Variants in EAPP observed in about 807,000 individuals in gnomAD.
EAPP encodes the protein E2F associated phosphoprotein.
Under a neutral mutation model 34.3 loss-of-function variants are expected in EAPP, and 38 were observed. That is an observed-to-expected ratio of 1.11 (90% CI 0.85 to 1.45). EAPP has a LOEUF of 1.45. Ranked by LOEUF, EAPP falls within the 40% of genes most tolerant of loss-of-function variation. The pLI is 0.00. For missense variants in EAPP, 338 were observed against 343.7 expected (o/e 0.98, Z 0.13); for synonymous variants, 113 against 117.6 (o/e 0.96, Z 0.25).
chr14:34,533,358 C>A, intron 3 of EAPP, 86 bp downstream of exon 3: 2 of 1,173,520 alleles, frequency 1.7e-6, no homozygotes, highest in Non-Finnish European at 2.5e-6. Context: ...AGACCAAACT[C>A]AGAGGGAAAT....
chr14:34,535,683 C>A lies in EAPP; in HGVS notation c.256+411G>T, dbSNP rs542078726. Among the ~76,000 whole-genome samples the A allele has an allele frequency of 2.1e-3, 324 of 152,092 alleles. 1 individual carries two copies. The highest frequency in any genetic ancestry group is 3.4e-3 in the Admixed American group (52 of 15,240). ...TCCTGACCTCGTGATCCGCCCGCCT[C>A]GGCCTCCCAAAGTGCTAGGATTACA... On this transcript the variant is annotated intron_variant, in intron 2 of 5. Transcript: ENST00000250454.
rs751893455 is a variant in EAPP, at chr14:34,533,557, A to G, written c.257-18T>C. On this transcript the variant is annotated intron_variant, in intron 2 of 5. Transcript: ENST00000250454. ...GGAAGATCCTATTCAAACCAGAAGT[A>G]AAGTTTACAGACTAAATCATACATA... 11 of 1,529,512 alleles carry G rather than the reference A, an allele frequency of 7.2e-6. No homozygotes were observed. In the Admixed American group the frequency reaches 1.3e-4, roughly 18 times the overall value. The allele number at this position is 1,529,512 out of a possible 1,614,324, so 94.7% of individuals were successfully genotyped here.
At chr14:34,523,651 C>T (rs1879996061) in intron 5 of EAPP, among the ~76,000 whole-genome samples, 1 of 151,806 alleles carries the variant, frequency 6.6e-6, no homozygotes, top group Non-Finnish European at 1.5e-5. Flanking sequence ...ATCCTCTCAC[C>T]TCAGCCTATC....
At chr14:34,522,244 G>A (rs1445306295) in intron 5 of EAPP, among the ~76,000 whole-genome samples, 3 of 151,918 alleles carry the variant, frequency 2.0e-5, no homozygotes, top group Non-Finnish European at 2.9e-5. Flanking sequence ...ACAGGTATGA[G>A]CCACTGTGCC....
chr14:34,516,750 G>C (rs1879746162), intron 5 of EAPP, among the ~76,000 whole-genome samples, 164 bp from the exon 6 acceptor site: 1 of 152,054 alleles, frequency 6.6e-6, no homozygotes, highest in African/African-American at 2.4e-5. Flanking sequence ...GTTGTTTTAA[G>C]AATAATTAAA....
chr14:34,539,383 C>T, intron 1 of EAPP, 172 bp downstream of exon 1: 1 of 737,062 alleles, frequency 1.4e-6, no homozygotes, highest in Non-Finnish European at 2.4e-6. Context: ...CCGCCTCCCC[C>T]CGGGACTGCG....
At chr14:34,517,189 C>T (rs1235231738) in intron 5 of EAPP, among the ~76,000 whole-genome samples, 3 of 151,350 alleles carry the variant, frequency 2.0e-5, no homozygotes, top group African/African-American at 2.4e-5. Flanking sequence ...CTGCCCGCCT[C>T]GGCCTCCCAA....
rs766199862 is a variant in EAPP at position 34,533,445 on chromosome 14, T to C, written c.351A>G (p.Ala117=). 1.2e-6 allele frequency: 2 copies of C among 1,609,656 alleles called. No individual in the cohort carries two copies. Among genetic ancestry groups the C allele is most frequent in the Non-Finnish European group, 8.5e-7 (1 of 1,176,494 alleles). ...FDSDSEDEDR[A]VQVTKKKKKK... is the part of the protein sequence containing the mutation. The stretch of plus-strand genomic sequence containing the variant: ...AAACCTGGTAAATAGGTTACTTACC[T>C]GCTCTGTCTTCATCCTCGGAATCAG... Residue 117 remains alanine, a splice_region_variant and synonymous_variant, in exon 3 of 6, where the codon GCA becomes GCG. Transcript: ENST00000250454.
At chr14:34,533,666 T>C (rs1280139488) in intron 2 of EAPP, 127 bp from the exon 3 acceptor site, 3 of 597,338 alleles carry the variant, frequency 5.0e-6, no homozygotes, top group Non-Finnish European at 8.7e-6. Flanking sequence ...GATGGTGAAA[T>C]ATTTTCACAT....
chr14:34,534,832 C>T (rs1011626571), intron 2 of EAPP, among the ~76,000 whole-genome samples: 5 of 121,744 alleles, frequency 4.1e-5, no homozygotes, highest in Non-Finnish European at 8.5e-5. Context: ...GAGACCCTGT[C>T]TCCACAAATT....
intron 4 of EAPP, among the ~76,000 whole-genome samples, chr14:34,527,168 CAA>C (rs35039984): frequency 3.7e-5 from 4 of 106,798 alleles, no homozygotes; most frequent in African/African-American, 1.5e-4. Context: ...AACTCCGTCT[CAA>C]AAAAAAAAAA....
intron 5 of EAPP, among the ~76,000 whole-genome samples, chr14:34,518,516 G>A (rs1319978432): frequency 1.3e-5 from 2 of 150,956 alleles, no homozygotes; most frequent in Admixed American, 1.3e-4. Flanking sequence ...GTATTTTTGT[G>A]GAGATGGGGT....
At chr14:34,526,756 C>A (rs764455579) in intron 4 of EAPP, among the ~76,000 whole-genome samples, 2 of 151,532 alleles carry the variant, frequency 1.3e-5, no homozygotes. Flanking sequence ...AAAAAACAAG[C>A]ATGGACTCAG....
chr14:34,529,168 A>G (rs538509942), intron 4 of EAPP, among the ~76,000 whole-genome samples, 190 bp downstream of exon 4: 1 of 152,018 alleles, frequency 6.6e-6, no homozygotes, highest in Admixed American at 6.6e-5. Context: ...AAAATTTTAA[A>G]AAAAAGTCTC....
intron 3 of EAPP, among the ~76,000 whole-genome samples, chr14:34,530,904 C>CAAAAA (rs780101001): frequency 1.3e-3 from 73 of 55,040 alleles, no homozygotes; most frequent in African/African-American, 2.2e-3. Context: ...CAATCTTTAC[C>CAAAAA]AAAAAAAAAA....
chr14:34,518,066 C>T (rs1879795557), intron 5 of EAPP, among the ~76,000 whole-genome samples: 1 of 152,100 alleles, frequency 6.6e-6, no homozygotes, highest in South Asian at 2.1e-4. Context: ...AGCCACCATG[C>T]CCAGCCTCTT....
intron 5 of EAPP, among the ~76,000 whole-genome samples, chr14:34,523,373 G>A (rs1333005433): frequency 4.0e-5 from 6 of 151,804 alleles, no homozygotes; most frequent in Non-Finnish European, 8.8e-5. Flanking sequence ...GAGTAGCTGG[G>A]ACTACAGGCG....
Position 34,519,834 on chromosome 14 carries a change from T to A in EAPP, c.582-3248A>T, listed in dbSNP as rs565339430. On this transcript the variant is annotated intron_variant, in intron 5 of 5. Transcript: ENST00000250454. Reference sequence around the variant, plus strand: ...ATTATAGGTTTTTGCATTATGGTTATCATGAAATCACAAAAAAAAAACTTA... The same window carrying A: ...ATTATAGGTTTTTGCATTATGGTTAACATGAAATCACAAAAAAAAAACTTA... Among the ~76,000 whole-genome samples, 168 of 138,428 alleles carry A rather than the reference T, an allele frequency of 1.2e-3. 1 individual carries two copies. The highest frequency in any genetic ancestry group is 4.2e-3 in the African/African-American group (161 of 38,714). 90.8% of individuals were successfully genotyped at this position (138,428 alleles called of 152,430 possible).
intron 1 of EAPP, 115 bp from the exon 2 acceptor site, chr14:34,536,390 G>T: frequency 2.9e-6 from 2 of 683,030 alleles, no homozygotes; most frequent in South Asian, 2.4e-5. Flanking sequence ...TACATTTGAT[G>T]TACTTATACA....
Sources: allele counts gnomAD v4.1 joint callset (sites outside exome capture counted in the v4.1 genomes callset), GRCh38; gene constraint gnomAD v4.1.1; transcripts MANE v1.5; gene names NCBI Gene and HGNC (gene_info 2026-07-23, HGNC 2026-07-21).